The following SMCO4 variants were observed in gnomAD, a reference collection of about 807,000 sequenced individuals.
The protein encoded by SMCO4 is single-pass membrane protein with coiled-coil domains 4, also known as single-pass membrane and coiled-coil domain-containing protein 4.
Under a neutral mutation model 3.6 loss-of-function variants are expected in SMCO4, and 4 were observed. The ratio of observed to expected loss-of-function variants is 1.11; its 90% CI spans 0.54 to 2.53. SMCO4 has a LOEUF of 2.53. Among genes scored for constraint, SMCO4 ranks in the 30% most tolerant of loss-of-function variants. The pLI, the probability that SMCO4 is intolerant of heterozygous loss-of-function variation, is 0.02. For missense variants in SMCO4, 70 were observed against 80.8 expected, an observed-to-expected ratio of 0.87 and a Z score of 0.51; for synonymous variants, 36 against 35.3, an observed-to-expected ratio of 1.02 and a Z score of -0.07.
intron 2 of SMCO4, among the ~76,000 whole-genome samples, chr11:93,494,252 G>C (rs532250219): frequency 6.6e-6 from 1 of 152,200 alleles, no homozygotes; most frequent in South Asian, 2.1e-4. Flanking sequence ...AAGGGATATA[G>C]ACGATGCATC....
At chr11:93,539,427 T>C (rs1949254309) in intron 1 of SMCO4, among the ~76,000 whole-genome samples, 2 of 152,194 alleles carry the variant, frequency 1.3e-5, no homozygotes, top group Admixed American at 6.5e-5. Context: ...TAGGAAGAAA[T>C]GCTTTTAAAA....
chr11:93,542,651 T>C (rs1949280327), intron 1 of SMCO4, among the ~76,000 whole-genome samples: 1 of 151,994 alleles, frequency 6.6e-6, no homozygotes, highest in South Asian at 2.1e-4. Context: ...GCCAGAGGCG[T>C]ACCCAGCTCG....
upstream of SMCO4, among the ~76,000 whole-genome samples, chr11:93,545,189 A>G (rs1949305825): frequency 6.6e-6 from 1 of 152,190 alleles, no homozygotes; most frequent in Admixed American, 6.5e-5. Context: ...TTAATGAATA[A>G]TTTTATGAGG....
intron 2 of SMCO4, among the ~76,000 whole-genome samples, chr11:93,494,897 G>C (rs1341727440): frequency 6.6e-6 from 1 of 151,932 alleles, no homozygotes; most frequent in Admixed American, 6.6e-5. Context: ...TGCCTAACCT[G>C]GTCCCCAAGG....
At chr11:93,534,041 A>G (rs1949188422) in intron 1 of SMCO4, among the ~76,000 whole-genome samples, 1 of 151,908 alleles carries the variant, frequency 6.6e-6, no homozygotes, top group African/African-American at 2.4e-5. Context: ...AAATACAAAA[A>G]TTAGCCAGGC....
chr11:93,511,316 T>C (rs1237932391), intron 1 of SMCO4, among the ~76,000 whole-genome samples: 2 of 152,160 alleles, frequency 1.3e-5, no homozygotes, highest in Admixed American at 1.3e-4. Flanking sequence ...CTGACTGTCA[T>C]GCCAGACGCT....
intron 2 of SMCO4, among the ~76,000 whole-genome samples, chr11:93,481,897 C>G (rs554575568): frequency 6.6e-6 from 1 of 152,340 alleles, no homozygotes; most frequent in South Asian, 2.1e-4. Flanking sequence ...CCCTGGCTGG[C>G]TGGCTAGCAG....
chr11:93,531,834 C>G (rs1172693341), intron 1 of SMCO4, among the ~76,000 whole-genome samples: 1 of 152,206 alleles, frequency 6.6e-6, no homozygotes, highest in Non-Finnish European at 1.5e-5. Context: ...AAAGTCGCCC[C>G]TCTGCTCCCT....
At chr11:93,552,152 CTTTTTT>C in the SMCO4 span, among the ~76,000 whole-genome samples, 442 of 109,036 alleles carry the variant, frequency 4.1e-3, no homozygotes, top group African/African-American at 0.015. Flanking sequence ...CTCATCACTA[CTTTTTT>C]TTTTTTTTTT....
At chr11:93,552,311 T>C in the SMCO4 span, among the ~76,000 whole-genome samples, 1 of 151,310 alleles carries the variant, frequency 6.6e-6, no homozygotes, top group South Asian at 2.1e-4. Flanking sequence ...AGCTAATTTT[T>C]GTATTTTTAG....
At chr11:93,487,999 T>C (rs115396740) in intron 2 of SMCO4, among the ~76,000 whole-genome samples, 413 of 152,370 alleles carry the variant, frequency 2.7e-3, no homozygotes, top group African/African-American at 9.6e-3. Flanking sequence ...CTTCAGGTAA[T>C]GAAGCTGTCT....
At chr11:93,552,072 C>T in the SMCO4 span, among the ~76,000 whole-genome samples, 1 of 150,790 alleles carries the variant, frequency 6.6e-6, no homozygotes, top group African/African-American at 2.4e-5. Context: ...GCCATAGAGC[C>T]ATATTCTGAC....
intron 1 of SMCO4, among the ~76,000 whole-genome samples, chr11:93,513,935 C>T (rs1948981391): frequency 6.6e-6 from 1 of 152,172 alleles, no homozygotes; most frequent in East Asian, 1.9e-4. Context: ...AAGCACTAAT[C>T]ACATTTAATT....
intron 2 of SMCO4, among the ~76,000 whole-genome samples, chr11:93,488,661 T>G (rs1948678639): frequency 6.6e-6 from 1 of 152,062 alleles, no homozygotes; most frequent in African/African-American, 2.4e-5. Flanking sequence ...TGGGGACAGC[T>G]GGAGTTTGAC....
intron 2 of SMCO4, among the ~76,000 whole-genome samples, chr11:93,498,607 G>GC (rs1948802520): frequency 6.6e-6 from 1 of 152,026 alleles, no homozygotes; most frequent in Admixed American, 6.5e-5. Context: ...AATCAAATGT[G>GC]AAAAAAAAGT....
chr11:93,481,617 A>G, intron 2 of SMCO4: 2 of 703,344 alleles, frequency 2.8e-6, no homozygotes, highest in South Asian at 1.3e-4. Flanking sequence ...GCAAAGGGGA[A>G]AAATGTCTTG....
chr11:93,482,116 G>A (rs1241406840), intron 2 of SMCO4, among the ~76,000 whole-genome samples: 11 of 152,364 alleles, frequency 7.2e-5, no homozygotes, highest in South Asian at 2.1e-4. Context: ...AAACATGCCC[G>A]TCTGAATCCT....
chr11:93,496,705 A>G (rs1948777314), intron 2 of SMCO4, among the ~76,000 whole-genome samples: 1 of 152,196 alleles, frequency 6.6e-6, no homozygotes, highest in Non-Finnish European at 1.5e-5. Flanking sequence ...CTCTATGAGG[A>G]TCCTCACTAA....
the SMCO4 span, among the ~76,000 whole-genome samples, chr11:93,553,455 G>T: frequency 6.6e-6 from 1 of 152,152 alleles, no homozygotes; most frequent in African/African-American, 2.4e-5. Flanking sequence ...TCCATTCATG[G>T]TTGCTTATTT....
Sources: gnomAD v4.1 joint callset for allele counts (sites outside exome capture counted in the v4.1 genomes callset) on GRCh38, gnomAD v4.1.1 for gene constraint, MANE v1.5 for transcripts, NCBI Gene and HGNC (gene_info 2026-07-23, HGNC 2026-07-21) for gene names.